The following GYG1 variants were observed in gnomAD, a reference collection of about 807,000 sequenced individuals.
GYG1 encodes the protein glycogenin-1.
Under a neutral mutation model 41.9 loss-of-function variants are expected in GYG1, and 44 were observed. The observed-to-expected ratio is 1.05, with a 90% CI of 0.83 to 1.35. The LOEUF is 1.35. GYG1 is among the 40% of genes most tolerant of loss of function. GYG1 has a pLI of 0.00. For missense variants in GYG1, 429 were observed against 418.9 expected (o/e 1.02, Z -0.21); for synonymous variants, 141 against 158.1 (o/e 0.89, Z 0.81).
At chr3:149,015,929 A>G (rs1387978194) in intron 5 of GYG1, among the ~76,000 whole-genome samples, 1 of 152,024 alleles carries the variant, frequency 6.6e-6, no homozygotes, top group Non-Finnish European at 1.5e-5. Context: ...GTGAAAGGGG[A>G]TGGCACCTAG....
At chr3:149,006,615 G>A (rs1307453584) in intron 4 of GYG1, among the ~76,000 whole-genome samples, 1 of 152,138 alleles carries the variant, frequency 6.6e-6, no homozygotes, top group Admixed American at 6.6e-5. Context: ...ATCCCACATG[G>A]ATGTACCATA....
rs1714773679 is a variant in GYG1 at position 149,028,614 on chromosome 3, G to GTTAA, written c.*1684_*1687dup. ...TTGTGGCCATTCAGTTGCATTCAAC[G>GTTAA]TTAATTTTTTCTATTTACTACCGTT... is the stretch of plus-strand genomic sequence containing the variant. On this transcript the variant is annotated 3_prime_UTR_variant, in exon 8 of 8. Coordinates refer to ENST00000345003, the MANE Select transcript of GYG1 (RefSeq NM_004130.4). Among the ~76,000 whole-genome samples, 1 of 151,562 alleles carries GTTAA rather than the reference G, an allele frequency of 6.6e-6. No individual in the cohort carries two copies. The highest frequency in any genetic ancestry group is 2.1e-4 in the South Asian group (1 of 4,820).
At chr3:149,014,986 G>T (rs1713937264) in intron 5 of GYG1, among the ~76,000 whole-genome samples, 1 of 151,496 alleles carries the variant, frequency 6.6e-6, no homozygotes. Context: ...TAACTTAATT[G>T]TCAATGCTTT....
At chr3:148,991,745 C>G in intron 1 of GYG1, 98 bp downstream of exon 1, 1 of 1,029,942 alleles carries the variant, frequency 9.7e-7, no homozygotes, top group Non-Finnish European at 1.4e-6. Context: ...GGAGTGTTCC[C>G]GGCAGGACGA....
intron 4 of GYG1, among the ~76,000 whole-genome samples, chr3:149,002,529 A>G (rs1713151448): frequency 6.6e-6 from 1 of 152,224 alleles, no homozygotes; most frequent in Non-Finnish European, 1.5e-5. Flanking sequence ...GGCCAGTGAG[A>G]TGCCGTGATG....
At chr3:149,004,144 C>G (rs1014486967) in intron 4 of GYG1, 1 of 152,174 alleles carries the variant, frequency 6.6e-6, no homozygotes, top group Non-Finnish European at 1.5e-5. Flanking sequence ...GCGATGTGCC[C>G]CTTGTTCCAT....
At chr3:149,004,603 A>G (rs1713290800) in intron 4 of GYG1, among the ~76,000 whole-genome samples, 1 of 152,226 alleles carries the variant, frequency 6.6e-6, no homozygotes, top group African/African-American at 2.4e-5. Context: ...GGACTTCTAC[A>G]TGGCATTTAA....
intron 4 of GYG1, among the ~76,000 whole-genome samples, chr3:148,998,459 A>G (rs560853708): frequency 6.6e-6 from 1 of 152,322 alleles, no homozygotes; most frequent in East Asian, 1.9e-4. Context: ...ATTTCTTCCA[A>G]CAAAGAATTA....
chr3:149,007,343 G>A (rs964303373), intron 4 of GYG1, among the ~76,000 whole-genome samples: 1 of 152,226 alleles, frequency 6.6e-6, no homozygotes, highest in African/African-American at 2.4e-5. Context: ...TTTTATAACA[G>A]TGAAGCATAT....
intron 5 of GYG1, among the ~76,000 whole-genome samples, chr3:149,020,628 T>C (rs1024605984): frequency 1.3e-5 from 2 of 152,262 alleles, no homozygotes; most frequent in Admixed American, 6.5e-5. Flanking sequence ...TTATTACTAC[T>C]GCTTAGTCAT....
At chr3:149,009,823 G>C (rs79994800) in intron 5 of GYG1, among the ~76,000 whole-genome samples, 2,707 of 152,304 alleles carry the variant, frequency 0.018, 80 homozygotes, top group African/African-American at 0.062. Context: ...CATAATTGTT[G>C]TGGGGATTAA....
chr3:149,024,639 T>A (rs573034976), intron 6 of GYG1, among the ~76,000 whole-genome samples: 1 of 152,346 alleles, frequency 6.6e-6, no homozygotes, highest in South Asian at 2.1e-4. Context: ...TTTAGATGTA[T>A]CTACTTTATA....
At chr3:149,008,518 C>T (rs921293546) in intron 4 of GYG1, among the ~76,000 whole-genome samples, 1 of 152,208 alleles carries the variant, frequency 6.6e-6, no homozygotes, top group Non-Finnish European at 1.5e-5. Flanking sequence ...CCTGTGCACC[C>T]CTCAGATATT....
chr3:148,994,005 G>A (rs889422324), intron 1 of GYG1, 137 bp from the exon 2 acceptor site: 1 of 783,670 alleles, frequency 1.3e-6, no homozygotes, highest in Non-Finnish European at 2.2e-6. Flanking sequence ...TCCCCAAAGG[G>A]CTACAGCTTG....
intron 4 of GYG1, chr3:149,004,184 A>ACC (rs1460869117): frequency 2.0e-5 from 3 of 152,198 alleles, no homozygotes; most frequent in Non-Finnish European, 4.4e-5. Context: ...CACCTGTGTT[A>ACC]CCACACCCTG....
At position 149,031,343 on chromosome 3, in the gene GYG1, CCT is replaced by C. The variant is rs1485775685; in HGVS notation, c.*4414_*4415del. ...GCCCAACTTCCATCCAGATATCACG[CCT>C]CTCACATATAGTAGTCTTCTGAATT... On this transcript the variant is annotated 3_prime_UTR_variant, in exon 8 of 8. Coordinates refer to ENST00000345003, the MANE Select transcript of GYG1 (RefSeq NM_004130.4). The C allele has an allele frequency of 6.6e-6, 1 of 152,470 alleles. No homozygotes were observed. The highest frequency in any genetic ancestry group is 1.5e-5 in the Non-Finnish European group (1 of 68,002). The allele number at this position is 152,470 out of a possible 1,614,324, so 9.4% of individuals were successfully genotyped here.
chr3:149,015,622 T>A (rs1316514541), intron 5 of GYG1, among the ~76,000 whole-genome samples: 1 of 152,098 alleles, frequency 6.6e-6, no homozygotes, highest in African/African-American at 2.4e-5. Context: ...ATGTGGAGGT[T>A]CCTGGTGACT....
chr3:149,006,080 CTTT>C (rs34268321), intron 4 of GYG1, among the ~76,000 whole-genome samples: 97 of 117,196 alleles, frequency 8.3e-4, no homozygotes, highest in African/African-American at 3.0e-3. Flanking sequence ...TCATCATATT[CTTT>C]TTTTTTTTTT....
rs71617496 is a variant in GYG1, at chr3:149,028,705, ATTTTTT to A, written c.*1790_*1795del. Among the ~76,000 whole-genome samples the A allele has an allele frequency of 0.29, 38,206 of 133,482 alleles. 4,184 individuals are homozygous for A. Among genetic ancestry groups the A allele is most frequent in the East Asian group, 0.3 (1,394 of 4,672 alleles). The allele number at this position is 133,482 out of a possible 152,430, so 87.6% of individuals were successfully genotyped here. On this transcript the variant is annotated 3_prime_UTR_variant, in exon 8 of 8. Coordinates refer to ENST00000345003, the MANE Select transcript of GYG1 (RefSeq NM_004130.4). Reference sequence around the variant, plus strand: ...GGTGGAAAAGCTGACATAGTTTTAAATTTTTTTTTTTTTTTTTTTTTTTCTTGAGGC... The same window carrying A: ...GGTGGAAAAGCTGACATAGTTTTAAATTTTTTTTTTTTTTTTTCTTGAGGC...
Sources: allele counts gnomAD v4.1 joint callset (sites outside exome capture counted in the v4.1 genomes callset), GRCh38; gene constraint gnomAD v4.1.1; transcripts MANE v1.5; gene names NCBI Gene and HGNC (gene_info 2026-07-23, HGNC 2026-07-21).